The following RP1L1 variants were observed in gnomAD, a reference collection of about 807,000 sequenced individuals.
The protein encoded by RP1L1 is RP1 like 1, also known as retinitis pigmentosa 1-like 1 protein.
A neutral mutation model predicts 15.7 loss-of-function variants in RP1L1; 27 were observed. That is an observed-to-expected ratio of 1.72 (90% CI 1.27 to 2.38). The LOEUF is 2.38. Ranked by LOEUF, RP1L1 falls within the 30% of genes most tolerant of loss-of-function variation. The probability of loss-of-function intolerance (pLI) is 0.00; values close to 1 mark genes in which losing one functional copy is unlikely to be tolerated. For missense variants in RP1L1, 4,798 were observed against 3,075.9 expected (o/e 1.56, Z -13.24); for synonymous variants, 1,813 against 1,276.7 (o/e 1.42, Z -8.96).
intron 2 of RP1L1, among the ~76,000 whole-genome samples, chr8:10,617,205 G>A (rs905559868): frequency 6.6e-6 from 1 of 152,048 alleles, no homozygotes; most frequent in African/African-American, 2.4e-5. Context: ...CTCAGGGCAG[G>A]CCATGTCACT....
At chr8:10,648,322 G>T (rs765299875) in intron 1 of RP1L1, among the ~76,000 whole-genome samples, 14 of 152,036 alleles carry the variant, frequency 9.2e-5, no homozygotes, top group Admixed American at 2.6e-4. Context: ...GTGAGCCACC[G>T]CACCTGGCCA....
At position 10,607,326 on chromosome 8, in the gene RP1L1, C is replaced by T. The variant is rs1192240647; in HGVS notation, c.6772G>A (p.Gly2258Arg). 6.2e-7 allele frequency: 1 copy of T among 1,614,222 alleles called. No individual in the cohort carries two copies. Among genetic ancestry groups the T allele is most frequent in the South Asian group, 1.1e-5 (1 of 91,082 alleles). ...EKKGSPQVSLGDGQSEEASES... is the reference protein window; with the variant it reads ...EKKGSPQVSLRDGQSEEASES... ...GAAGCCTCCTCAGATTGGCCATCTC[C>T]TAGACTGACCTGAGGGCTCCCCTTT... is the stretch of plus-strand genomic sequence containing the variant. Residue 2258 changes from glycine to arginine, a missense_variant, in exon 4 of 4, where the codon GGA becomes AGA. Coordinates refer to ENST00000382483, the MANE Select transcript of RP1L1 (RefSeq NM_178857.6).
intron 1 of RP1L1, among the ~76,000 whole-genome samples, chr8:10,631,389 ACACACACGCACACACACG>A (rs1563135454): frequency 3.6e-4 from 44 of 122,242 alleles, no homozygotes; most frequent in Admixed American, 2.2e-3. Flanking sequence ...ACACACATGC[ACACACACGCACACACACG>A]CACACACGCA....
In RP1L1 at chr8:10,608,358, C is replaced by A; in HGVS notation, c.5740G>T (p.Glu1914Ter). The change falls in exon 4 of 4, where the codon GAG (glutamate) becomes TAG (stop). Residue 1914 changes from glutamate (E) to a stop codon, truncating the protein, a stop_gained. Coordinates refer to ENST00000382483, the MANE Select transcript of RP1L1 (RefSeq NM_178857.6). LOFTEE classifies it low-confidence loss of function (END_TRUNC). ...ACACTTTCTGTCTCTGGCTGGGCCTCCTTTTCTGCCTCCGGGGCTTCTGCA... is the reference window on the plus strand; with the variant it reads ...ACACTTTCTGTCTCTGGCTGGGCCTACTTTTCTGCCTCCGGGGCTTCTGCA... ...EGAEAPEAEK[E>*]AQPETESVEA... 1 of 1,613,776 alleles carries A rather than the reference C, an allele frequency of 6.2e-7. No homozygotes were observed. Among genetic ancestry groups the A allele is most frequent in the Non-Finnish European group, 8.5e-7 (1 of 1,179,966 alleles).
Position 10,610,630 on chromosome 8 carries a change from G to T in RP1L1, c.3468C>A (p.Asp1156Glu), listed in dbSNP as rs1013671405. 4.3e-6 allele frequency: 7 copies of T among 1,612,206 alleles called. No homozygotes were observed. The highest frequency in any genetic ancestry group is 1.3e-5 in the African/African-American group (1 of 74,868). The change falls in exon 4 of 4, where the codon GAC becomes GAA. Residue 1156 changes from aspartate to glutamate, a missense_variant. Physicochemically the swap from Asp to Glu is conservative, Grantham distance 45 (BLOSUM62 2). Transcript: ENST00000382483. ...RYQELLSISK[D>E]LWPGCDVGED... ...CCCCAACGTCACATCCTGGCCACAG[G>T]TCCTTCGAGATGCTGAGCAGCTCCT... is the stretch of plus-strand genomic sequence containing the variant.
intron 1 of RP1L1, among the ~76,000 whole-genome samples, chr8:10,642,364 C>T (rs141436667): frequency 3.3e-5 from 5 of 152,264 alleles, no homozygotes; most frequent in East Asian, 3.9e-4. Flanking sequence ...AATTATTAAC[C>T]GGACGTCATT....
chr8:10,641,136 G>A (rs747180586), intron 1 of RP1L1, among the ~76,000 whole-genome samples: 3 of 152,214 alleles, frequency 2.0e-5, no homozygotes, highest in Non-Finnish European at 4.4e-5. Context: ...CAGTGCCACA[G>A]CTCATCCCAT....
Position 10,611,316 on chromosome 8 carries a change from A to G in RP1L1, c.2782T>C (p.Leu928=), listed in dbSNP as rs1410694728. The G allele has an allele frequency of 6.2e-7, 1 of 1,612,720 alleles. No individual in the cohort carries two copies. The highest frequency in any genetic ancestry group is 1.7e-5 in the Admixed American group (1 of 60,018). ...GSRGLSEEKT[L]RSGGGPQGQE... is the part of the protein sequence containing the mutation. The stretch of plus-strand genomic sequence containing the variant: ...CCCTGGGGGCCTCCCCCACTCCTCA[A>G]GGTCTTCTCCTCGGACAGCCCCCGA... The change falls in exon 4 of 4, where the codon TTG becomes CTG. Residue 928 remains leucine, a synonymous_variant. Transcript: ENST00000382483.
At chr8:10,631,227 G>T (rs572866337) in intron 1 of RP1L1, among the ~76,000 whole-genome samples, 6 of 144,084 alleles carry the variant, frequency 4.2e-5, no homozygotes, top group African/African-American at 1.5e-4. Flanking sequence ...ACACACAAAC[G>T]CACACACGTA....
At chr8:10,635,985 G>C (rs1798323512) in intron 1 of RP1L1, among the ~76,000 whole-genome samples, 1 of 152,190 alleles carries the variant, frequency 6.6e-6, no homozygotes, top group African/African-American at 2.4e-5. Context: ...AGGGAGCTGG[G>C]GTGGGGACGC....
In RP1L1 at chr8:10,607,812, G is replaced by C. The variant is rs374414796; in HGVS notation, c.6286C>G (p.Pro2096Ala). ...DAQEAEGEAQ[P>A]ESEGVEAPEA... ...GGGGCCTCTACACCTTCTGATTCTGGCTGGGCCTCCCCTTCTGCCTCCTGG... is the reference window on the plus strand; with the variant it reads ...GGGGCCTCTACACCTTCTGATTCTGCCTGGGCCTCCCCTTCTGCCTCCTGG... The change falls in exon 4 of 4, where the codon CCA becomes GCA. Residue 2096 changes from proline (P) to alanine (A), a missense_variant. By Grantham distance (27) the Pro-to-Ala change is conservative (BLOSUM62 -1). Coordinates refer to ENST00000382483, the MANE Select transcript of RP1L1 (RefSeq NM_178857.6). The C allele has an allele frequency of 1.3e-6, 2 of 1,592,898 alleles. No homozygotes were observed. Among genetic ancestry groups the C allele is most frequent in the Non-Finnish European group, 1.7e-6 (2 of 1,166,206 alleles).
At chr8:10,620,024 G>A (rs146868192) in intron 2 of RP1L1, among the ~76,000 whole-genome samples, 4 of 150,464 alleles carry the variant, frequency 2.7e-5, no homozygotes, top group African/African-American at 9.7e-5. Flanking sequence ...AAGTATGGCT[G>A]ATACAGTGAT....
At position 10,612,447 on chromosome 8, in the gene RP1L1, G is replaced by A. The variant is rs372698666; in HGVS notation, c.1651C>T (p.Arg551Trp). Residue 551 changes from arginine to tryptophan, a missense_variant, in exon 4 of 4, where the codon CGG becomes TGG. Transcript: ENST00000382483. Reference sequence around the variant, plus strand: ...GCCTTGCCTGGACAGCCCTGGGGCCGCCCACCCCATTCGCTGGATCCCTCA... The same window carrying A: ...GCCTTGCCTGGACAGCCCTGGGGCCACCCACCCCATTCGCTGGATCCCTCA... The part of the protein sequence containing the change: ...SHEGSSEWGG[R>W]PQGCPGKARA... The A allele has an allele frequency of 4.3e-5, 69 of 1,612,440 alleles. 1 individual carries two copies. The South Asian group carries it at 5.1e-4, about 12-fold the overall frequency.
intron 1 of RP1L1, among the ~76,000 whole-genome samples, chr8:10,631,796 C>T (rs1036811456): frequency 3.9e-5 from 6 of 152,182 alleles, no homozygotes; most frequent in African/African-American, 1.4e-4. Context: ...AGACGAAGAC[C>T]AAGGGCGATG....
Position 10,608,397 on chromosome 8 carries a change from G to C in RP1L1, c.5701C>G (p.Pro1901Ala), listed in dbSNP as rs772985558. ...GGGGCTTCTGCACCTTCTGACTCTG[G>C]CTGGACCTCCCATTCTGCCTCTGGG... ...ETPEAEWEVQ[P>A]ESEGAEAPEA... Residue 1901 changes from proline to alanine, a missense_variant, in exon 4 of 4, where the codon CCA becomes GCA. Pro to Ala is a conservative substitution (Grantham distance 27). Transcript: ENST00000382483. The C allele has an allele frequency of 6.2e-7, 1 of 1,604,756 alleles. No individual in the cohort carries two copies. The highest frequency in any genetic ancestry group is 8.5e-7 in the Non-Finnish European group (1 of 1,176,362).
Position 10,622,986 on chromosome 8 carries a change from C to G in RP1L1, c.216G>C (p.Val72=), listed in dbSNP as rs771536412. 6.2e-7 allele frequency: 1 copy of G among 1,614,150 alleles called. No homozygotes were observed. Among genetic ancestry groups the G allele is most frequent in the South Asian group, 1.1e-5 (1 of 91,080 alleles). ...SALMDELSQR[V]PLSFGVRSVT... ...CAGAGCGCACCCCAAAGGAGAGAGG[C>G]ACGCGCTGGGAGAGCTCGTCCATGA... The change falls in exon 2 of 4, where the codon GTG becomes GTC. Residue 72 remains valine (V), a synonymous_variant. Coordinates refer to ENST00000382483, the MANE Select transcript of RP1L1 (RefSeq NM_178857.6).
At chr8:10,617,546 C>CTGTTT (rs1554453571) in intron 2 of RP1L1, among the ~76,000 whole-genome samples, 7 of 63,388 alleles carry the variant, frequency 1.1e-4, no homozygotes, top group African/African-American at 4.3e-4. Context: ...GTTTCTTTTT[C>CTGTTT]TTTTTTTTTT....
intron 1 of RP1L1, among the ~76,000 whole-genome samples, chr8:10,640,039 T>G (rs1798384973): frequency 6.6e-6 from 1 of 152,250 alleles, no homozygotes; most frequent in Non-Finnish European, 1.5e-5. Flanking sequence ...TAGTTCTACT[T>G]TGTTTTAAAA....
chr8:10,643,185 C>A (rs899013410), intron 1 of RP1L1, among the ~76,000 whole-genome samples: 2 of 152,132 alleles, frequency 1.3e-5, no homozygotes, highest in Non-Finnish European at 2.9e-5. Flanking sequence ...AAAAAAAACA[C>A]AAAAGTTAGG....
Sources: gnomAD v4.1 joint callset for allele counts (sites outside exome capture counted in the v4.1 genomes callset) on GRCh38, gnomAD v4.1.1 for gene constraint, MANE v1.5 for transcripts, NCBI Gene and HGNC (gene_info 2026-07-23, HGNC 2026-07-21) for gene names.